Variants in EHMT1 observed in about 807,000 individuals in gnomAD.
EHMT1 encodes the protein histone-lysine N-methyltransferase EHMT1.
In EHMT1, 15 loss-of-function variants were observed where a neutral mutation model predicts 147.2. The observed-to-expected ratio is 0.10, with a 90% CI of 0.07 to 0.16. EHMT1 has a LOEUF of 0.16. EHMT1 is among the 10% of genes least tolerant of loss of function. EHMT1 has a pLI of 1.00. For synonymous variants in EHMT1, 795 were observed against 709.6 expected, an observed-to-expected ratio of 1.12 and a Z score of -1.91; for missense variants, 1,587 against 1,772.4, an observed-to-expected ratio of 0.90 and a Z score of 1.88.
chr9:137,784,529 A>G (rs760421239), intron 15 of EHMT1: 65 of 671,360 alleles, frequency 9.7e-5, no homozygotes, highest in Non-Finnish European at 1.2e-4. Context: ...CGTCTTTTGA[A>G]TTGGTTTTAT....
chr9:137,659,954 G>A (rs1188676608), intron 1 of EHMT1, among the ~76,000 whole-genome samples: 1 of 151,956 alleles, frequency 6.6e-6, no homozygotes, highest in East Asian at 1.9e-4. Flanking sequence ...CTTAGCCGAG[G>A]TTTTGTTTTT....
intron 2 of EHMT1, among the ~76,000 whole-genome samples, chr9:137,715,971 T>A (rs911341477): frequency 1.3e-5 from 2 of 151,850 alleles, no homozygotes; most frequent in African/African-American, 4.8e-5. Context: ...AACAAAATAA[T>A]TTTCTGTAGA....
chr9:137,780,049 C>T (rs961844138), intron 14 of EHMT1, among the ~76,000 whole-genome samples: 6 of 146,558 alleles, frequency 4.1e-5, no homozygotes, highest in South Asian at 4.2e-4. Context: ...GTGGTGATGA[C>T]GCTGAGATGT....
intron 9 of EHMT1, among the ~76,000 whole-genome samples, chr9:137,761,849 GA>G: frequency 6.6e-6 from 1 of 152,370 alleles, no homozygotes; most frequent in Middle Eastern, 3.4e-3. Flanking sequence ...TAACAAAAAA[GA>G]AAACGTGAAA....
intron 10 of EHMT1, among the ~76,000 whole-genome samples, chr9:137,767,673 C>T (rs546784783): frequency 1.3e-5 from 2 of 152,076 alleles, no homozygotes; most frequent in East Asian, 1.9e-4. Context: ...ATTAGATGGG[C>T]GTGGTGGCGG....
chr9:137,659,531 CG>C (rs746444786), intron 1 of EHMT1, among the ~76,000 whole-genome samples: 43 of 151,638 alleles, frequency 2.8e-4, no homozygotes, highest in Non-Finnish European at 4.3e-4. Context: ...AAGTGTGTGC[CG>C]CCATGCCTGG....
Position 137,716,989 on chromosome 9 carries a change from A to G in EHMT1, c.449A>G (p.His150Arg), listed in dbSNP as rs1945384825. ...ACTCTGGCCTCTTCGCTGCCTGGCC[A>G]TGCTGCAAAAACCCTTCCTGGAGGG... The part of the protein sequence containing the change: ...TSTLASSLPG[H>R]AAKTLPGGAG... Residue 150 changes from histidine to arginine, a missense_variant, in exon 3 of 27, where the codon CAT (histidine) becomes CGT (arginine). Physicochemically the swap from His to Arg is conservative, Grantham distance 29 (BLOSUM62 0). Transcript: ENST00000460843. The G allele has an allele frequency of 2.5e-6, 4 of 1,608,930 alleles. No individual in the cohort carries two copies. Among genetic ancestry groups the G allele is most frequent in the African/African-American group, 2.7e-5 (2 of 74,764 alleles).
intron 10 of EHMT1, among the ~76,000 whole-genome samples, chr9:137,773,014 C>T (rs1950692452): frequency 6.6e-6 from 1 of 152,122 alleles, no homozygotes; most frequent in Non-Finnish European, 1.5e-5. Flanking sequence ...CAGCACAGAG[C>T]CAGAATCATA....
At chr9:137,807,246 A>G (rs897840255) in intron 18 of EHMT1, among the ~76,000 whole-genome samples, 9 of 151,772 alleles carry the variant, frequency 5.9e-5, no homozygotes, top group Non-Finnish European at 1.0e-4. Context: ...TTAAATTATT[A>G]TTTTTTCCCT....
rs190195816 is a variant in EHMT1 at position 137,739,087 on chromosome 9, A to T, written c.824-4284A>T. 8.0e-3 allele frequency among the ~76,000 whole-genome samples: 1,211 copies of T among 151,808 alleles called. 8 individuals carry two copies. Among genetic ancestry groups the T allele is most frequent in the Non-Finnish European group, 0.012 (836 of 67,910 alleles). On this transcript the variant is annotated intron_variant, in intron 4 of 26. Coordinates refer to ENST00000460843, the MANE Select transcript of EHMT1 (RefSeq NM_024757.5). ...TATTTTACTAGTAAAAAAAAAAAAA[A>T]CAGGCCGGGCGCGGTGGCTCATGCC...
At chr9:137,770,294 T>C (rs1360589551) in intron 10 of EHMT1, among the ~76,000 whole-genome samples, 1 of 152,258 alleles carries the variant, frequency 6.6e-6, no homozygotes, top group Non-Finnish European at 1.5e-5. Context: ...TTTAAAATTA[T>C]TCACCAGTTC....
At chr9:137,627,454 G>A (rs988379532) in intron 1 of EHMT1, among the ~76,000 whole-genome samples, 4 of 149,692 alleles carry the variant, frequency 2.7e-5, no homozygotes, top group East Asian at 4.0e-4. Context: ...TAGTAGAAAC[G>A]GGGTTTCACC....
chr9:137,730,363 C>A (rs1946999259), intron 4 of EHMT1, among the ~76,000 whole-genome samples: 1 of 152,122 alleles, frequency 6.6e-6, no homozygotes, highest in Non-Finnish European at 1.5e-5. Context: ...TCCATCATTT[C>A]CTCTCTTGAT....
At chr9:137,667,956 G>A (rs1939866591) in intron 1 of EHMT1, among the ~76,000 whole-genome samples, 1 of 152,104 alleles carries the variant, frequency 6.6e-6, no homozygotes, top group African/African-American at 2.4e-5. Flanking sequence ...TAGAATTGTG[G>A]CAGATGGCAC....
intron 7 of EHMT1, among the ~76,000 whole-genome samples, chr9:137,752,626 G>GGGCTGGGCCTGGCACA (rs1949059946): frequency 2.0e-5 from 3 of 152,114 alleles, no homozygotes; most frequent in African/African-American, 4.8e-5. Context: ...GGCCTGGCAC[G>GGGCTGGGCCTGGCACA]GGGCTGCCCC....
intron 9 of EHMT1, among the ~76,000 whole-genome samples, chr9:137,761,672 G>A (rs145310479): frequency 6.6e-6 from 1 of 151,916 alleles, no homozygotes; most frequent in South Asian, 2.1e-4. Flanking sequence ...TTGTCCAGGA[G>A]GGTCTCGATC....
chr9:137,793,835 G>C (rs752859363), intron 16 of EHMT1, among the ~76,000 whole-genome samples: 6 of 152,224 alleles, frequency 3.9e-5, no homozygotes, highest in Non-Finnish European at 7.3e-5. Context: ...ATCGAGAGTA[G>C]GGAGATTCAT....
rs1247668961 is a variant in EHMT1 at position 137,828,037 on chromosome 9, G to C, written c.3541-6312G>C. Among the ~76,000 whole-genome samples, 2 of 152,182 alleles carry C rather than the reference G, an allele frequency of 1.3e-5. No individual in the cohort carries two copies. The highest frequency in any genetic ancestry group is 6.5e-5 in the Admixed American group (1 of 15,280). Reference sequence around the variant, plus strand: ...TGTGCCAGCCGACAGGGTGCGACGGGGTGGTCGGCCCGGCTGCCATCGTGG... The same window carrying C: ...TGTGCCAGCCGACAGGGTGCGACGGCGTGGTCGGCCCGGCTGCCATCGTGG... On this transcript the variant is annotated intron_variant, in intron 25 of 26. Transcript: ENST00000460843. This position sits in a 1 kb window ranked among gnomAD's most constrained non-coding sequence, Gnocchi z 5.3.
At chr9:137,677,673 C>T (rs1297617169) in intron 1 of EHMT1, among the ~76,000 whole-genome samples, 2 of 152,058 alleles carry the variant, frequency 1.3e-5, no homozygotes, top group African/African-American at 4.8e-5. Flanking sequence ...TACACAGAGT[C>T]AGCCACAGTG....
Sources: allele counts gnomAD v4.1 joint callset (sites outside exome capture counted in the v4.1 genomes callset), GRCh38; gene constraint gnomAD v4.1.1; non-coding constraint Gnocchi (gnomAD v3.1); transcripts MANE v1.5; gene names NCBI Gene and HGNC (gene_info 2026-07-23, HGNC 2026-07-21).